LUC7L3: variants seen among roughly 807,000 people sequenced by gnomAD.
LUC7L3 encodes the protein LUC7 like 3 pre-mRNA splicing factor, also known as luc7-like protein 3.
Under a neutral mutation model 66.8 loss-of-function variants are expected in LUC7L3, and 6 were observed. The ratio of observed to expected loss-of-function variants is 0.09; its 90% CI spans 0.05 to 0.18. The LOEUF is 0.18. Among genes scored for constraint, LUC7L3 ranks in the 10% least tolerant of loss-of-function variants. The pLI, the probability that LUC7L3 is intolerant of heterozygous loss-of-function variation, is 1.00. For synonymous variants in LUC7L3, 160 were observed against 174.7 expected, an observed-to-expected ratio of 0.92 and a Z score of 0.66; for missense variants, 341 against 531.1, an observed-to-expected ratio of 0.64 and a Z score of 3.52.
chr17:50,740,895 G>C (rs1360498178), intron 3 of LUC7L3, among the ~76,000 whole-genome samples: 2 of 152,124 alleles, frequency 1.3e-5, no homozygotes, highest in African/African-American at 4.8e-5. Context: ...TAGGTCCAGG[G>C]TCATAGATCC....
At position 50,744,672 on chromosome 17, in the gene LUC7L3, A is replaced by G. The variant is rs141810780; in HGVS notation, c.552A>G (p.Ala184=). ...TTTAGACAATTGAAAGCTTTGCTGC[A>G]CAAGAAAAACAAATGGAAGTTTGTG... ...STTSTIESFA[A]QEKQMEVCEV... Residue 184 remains alanine (A), a synonymous_variant, in exon 7 of 10, where the codon GCA becomes GCG. Transcript: ENST00000505658. 5 of 1,613,394 alleles carry G rather than the reference A, an allele frequency of 3.1e-6. No homozygotes were observed. In the African/African-American group the frequency reaches 6.7e-5, roughly 22 times the overall value.
intron 1 of LUC7L3, among the ~76,000 whole-genome samples, chr17:50,720,153 T>C (rs536737389): frequency 6.6e-6 from 1 of 152,346 alleles, no homozygotes; most frequent in East Asian, 1.9e-4. Flanking sequence ...CACCTCATTA[T>C]GAAATAGGGA....
chr17:50,721,995 A>G lies in LUC7L3; in HGVS notation c.99+2164A>G, dbSNP rs1968802160. On this transcript the variant is annotated intron_variant, in intron 1 of 9. Transcript: ENST00000505658. Reference sequence around the variant, plus strand: ...GACAGTTGCCGTGGCATCTGTAAGTATTTAACAGTCAAAATGCTAACTTTA... The same window carrying G: ...GACAGTTGCCGTGGCATCTGTAAGTGTTTAACAGTCAAAATGCTAACTTTA... The G allele has an allele frequency of 3.3e-5, 5 of 151,974 alleles. No homozygotes were observed. The South Asian group carries it at 6.2e-4, about 19-fold the overall frequency. The allele number at this position is 151,974 out of a possible 1,614,324, so 9.4% of individuals were successfully genotyped here. A position where few individuals can be genotyped will look rare whatever the true frequency, so the allele number is the denominator to read the frequency against.
intron 1 of LUC7L3, among the ~76,000 whole-genome samples, chr17:50,720,934 A>G (rs1425301661): frequency 6.6e-6 from 1 of 152,186 alleles, no homozygotes; most frequent in African/African-American, 2.4e-5. Flanking sequence ...AGTAGTATGA[A>G]ACATTCTTAG....
In LUC7L3 at chr17:50,750,993, C is replaced by A; in HGVS notation, c.*332C>A. On this transcript the variant is annotated 3_prime_UTR_variant, in exon 10 of 10. Transcript: ENST00000505658. ...TTTTTTAGGGATTTTGATGTCATTT[C>A]TTTTTTTTTTTTAATAAAAAGGTTG... The A allele has an allele frequency of 1.5e-5, 16 of 1,076,846 alleles. No homozygotes were observed. The highest frequency in any genetic ancestry group is 2.7e-4 in the Middle Eastern group (1 of 3,670). 66.7% of individuals were successfully genotyped at this position (1,076,846 alleles called of 1,614,324 possible). A position where few individuals can be genotyped will look rare whatever the true frequency, so the allele number is the denominator to read the frequency against.
Position 50,754,390 on chromosome 17 carries a change from G to C in LUC7L3, c.*3729G>C, listed in dbSNP as rs1302437114. The stretch of plus-strand genomic sequence containing the variant: ...GTATCCACTGTTTTCTATTATTTTC[G>C]AGCAAGTCTCAGACACACCATTTAA... On this transcript the variant is annotated 3_prime_UTR_variant, in exon 10 of 10. Transcript: ENST00000505658. The C allele has an allele frequency of 6.6e-6, 1 of 151,918 alleles. No homozygotes were observed. Among genetic ancestry groups the C allele is most frequent in the South Asian group, 2.1e-4 (1 of 4,830 alleles). The allele number at this position is 151,918 out of a possible 1,614,324, so 9.4% of individuals were successfully genotyped here. A position where few individuals can be genotyped will look rare whatever the true frequency, so the allele number is the denominator to read the frequency against.
At chr17:50,726,706 T>C (rs1417888054) in intron 1 of LUC7L3, among the ~76,000 whole-genome samples, 1 of 152,252 alleles carries the variant, frequency 6.6e-6, no homozygotes, top group African/African-American at 2.4e-5. Flanking sequence ...ACTGTAAATG[T>C]GTTTTCACAT....
chr17:50,742,090 G>A (rs1970383493), intron 5 of LUC7L3, among the ~76,000 whole-genome samples: 1 of 152,118 alleles, frequency 6.6e-6, no homozygotes, highest in Non-Finnish European at 1.5e-5. Flanking sequence ...GTGTGTGTGT[G>A]TGTACATGTA....
intron 5 of LUC7L3, 62 bp downstream of exon 5, chr17:50,741,793 T>TA: frequency 1.5e-6 from 2 of 1,293,188 alleles, no homozygotes; most frequent in Non-Finnish European, 2.2e-6. Context: ...CCAGCAAAAA[T>TA]ACAAGGATGG....
chr17:50,724,012 T>G, intron 1 of LUC7L3: 1 of 450,174 alleles, frequency 2.2e-6, no homozygotes, highest in South Asian at 1.6e-5. Flanking sequence ...GTGTTATATG[T>G]GTATGTAATT....
intron 1 of LUC7L3, among the ~76,000 whole-genome samples, chr17:50,720,756 GCTT>G (rs1968695514): frequency 2.0e-5 from 3 of 152,170 alleles, no homozygotes; most frequent in Admixed American, 6.5e-5. Flanking sequence ...GGTAATGCAT[GCTT>G]CTTTAGAAAA....
intron 5 of LUC7L3, 21 bp downstream of exon 5, chr17:50,741,752 T>C: frequency 1.3e-6 from 2 of 1,576,880 alleles, no homozygotes; most frequent in Non-Finnish European, 1.7e-6. Context: ...TGTGCATTAA[T>C]GTCAGGAAGT....
intron 8 of LUC7L3, 64 bp from the exon 9 acceptor site, chr17:50,746,478 T>C (rs1234575544): frequency 7.0e-7 from 1 of 1,430,102 alleles, no homozygotes; most frequent in Admixed American, 2.1e-5. Flanking sequence ...TAATAGCATC[T>C]ACTCCAAGGC....
Position 50,739,831 on chromosome 17 carries a change from G to T in LUC7L3, c.167-475G>T, listed in dbSNP as rs549909513. 5.8e-4 allele frequency among the ~76,000 whole-genome samples: 88 copies of T among 152,308 alleles called. No homozygotes were observed. The South Asian group carries it at 0.018, about 30-fold the overall frequency. On this transcript the variant is annotated intron_variant, in intron 2 of 9. Transcript: ENST00000505658. Reference sequence around the variant, plus strand: ...CAAAATAAGCATAGAATTTTAAAAGGTGGAGGTAAATTCGGGAAGAAATAG... The same window carrying T: ...CAAAATAAGCATAGAATTTTAAAAGTTGGAGGTAAATTCGGGAAGAAATAG...
chr17:50,732,423 C>G (rs1969666619), intron 1 of LUC7L3, among the ~76,000 whole-genome samples: 1 of 152,154 alleles, frequency 6.6e-6, no homozygotes, highest in African/African-American at 2.4e-5. Flanking sequence ...CCCTTTTCAC[C>G]CAGGCTGAAG....
intron 5 of LUC7L3, among the ~76,000 whole-genome samples, chr17:50,742,965 G>A (rs1238944418): frequency 1.3e-5 from 2 of 151,952 alleles, no homozygotes; most frequent in African/African-American, 2.4e-5. Flanking sequence ...GAAAGAAGCC[G>A]GACAAAAAAG....
chr17:50,729,422 A>G (rs977224652), intron 1 of LUC7L3, among the ~76,000 whole-genome samples: 1 of 152,190 alleles, frequency 6.6e-6, no homozygotes. Flanking sequence ...TTATTTTACA[A>G]TAATTTCATT....
chr17:50,735,610 A>G (rs185763797), intron 1 of LUC7L3, among the ~76,000 whole-genome samples: 32 of 152,078 alleles, frequency 2.1e-4, no homozygotes, highest in Middle Eastern at 3.4e-3. Context: ...GGCTCAAGCA[A>G]TCCTTCTGCC....
At position 50,750,619 on chromosome 17, in the gene LUC7L3, C is replaced by T; in HGVS notation, c.1257C>T (p.Thr419=). 1 of 1,613,972 alleles carries T rather than the reference C, an allele frequency of 6.2e-7. No homozygotes were observed. Among genetic ancestry groups the T allele is most frequent in the Non-Finnish European group, 8.5e-7 (1 of 1,179,968 alleles). The change falls in exon 10 of 10, where the codon ACC becomes ACT. Residue 419 remains threonine (T), a synonymous_variant. Transcript: ENST00000505658. Reference sequence around the variant, plus strand: ...ATACTAAGAATGAGGTCAATGGGACCAGTGAAGACATTAAATCTGAAGGTG... The same window carrying T: ...ATACTAAGAATGAGGTCAATGGGACTAGTGAAGACATTAAATCTGAAGGTG... The part of the protein sequence containing the change: ...ESDTKNEVNG[T]SEDIKSEGDT...
Sources: gnomAD v4.1 joint callset for allele counts (sites outside exome capture counted in the v4.1 genomes callset) on GRCh38, gnomAD v4.1.1 for gene constraint, MANE v1.5 for transcripts, NCBI Gene and HGNC (gene_info 2026-07-23, HGNC 2026-07-21) for gene names.